The following PLEKHD1 variants were observed in gnomAD, a reference collection of about 807,000 sequenced individuals.
The protein encoded by PLEKHD1 is pleckstrin homology domain-containing family D member 1.
PLEKHD1 carries 51 observed loss-of-function variants against 69.2 expected under a neutral mutation model. That is an observed-to-expected ratio of 0.74 (90% CI 0.59 to 0.93). The LOEUF is 0.93. Among genes scored for constraint, PLEKHD1 ranks in the 40% least tolerant of loss-of-function variants. The pLI is 0.00. For missense variants in PLEKHD1, 584 were observed against 641.0 expected, an observed-to-expected ratio of 0.91 and a Z score of 0.96; for synonymous variants, 236 against 244.7, an observed-to-expected ratio of 0.96 and a Z score of 0.33.
rs866665032 is a variant in PLEKHD1, at chr14:69,500,905, A to C, written c.368A>C (p.Glu123Ala). ...TTGCTTGCTGCTGAGTCGGAGTTTG[A>C]GCAGACCCAGTGGCTGGAGATGCTG... The part of the protein sequence containing the change: ...NILLAAESEF[E>A]QTQWLEMLQE... Residue 123 changes from glutamate (E) to alanine (A), a missense_variant, in exon 4 of 13, where the codon GAG becomes GCG. Coordinates refer to ENST00000322564, the MANE Select transcript of PLEKHD1 (RefSeq NM_001161498.2). 38 of 1,551,472 alleles carry C rather than the reference A, an allele frequency of 2.4e-5. No individual in the cohort carries two copies. In the African/African-American group the frequency reaches 3.4e-4, roughly 14 times the overall value.
At chr14:69,500,340 G>T in intron 2 of PLEKHD1, 132 bp downstream of exon 2, 1 of 824,916 alleles carries the variant, frequency 1.2e-6, no homozygotes, top group Non-Finnish European at 1.9e-6. Flanking sequence ...ATCCTCTTGG[G>T]GCAAAAGACC....
chr14:69,484,882 G>A lies in PLEKHD1; in HGVS notation c.-84G>A. On this transcript the variant is annotated 5_prime_UTR_variant, in exon 1 of 13. Transcript: ENST00000322564. ...TCTGCTCGCTGGGACGCTCTCCGAC[G>A]GCTCCGCCCTCGCCTCTCGCCCCGA... 1 of 1,466,370 alleles carries A rather than the reference G, an allele frequency of 6.8e-7. No homozygotes were observed. Among genetic ancestry groups the A allele is most frequent in the Middle Eastern group, 2.0e-4 (1 of 4,880 alleles). The allele number at this position is 1,466,370 out of a possible 1,614,324, so 90.8% of individuals were successfully genotyped here.
At chr14:69,469,131 G>T in the PLEKHD1 span, among the ~76,000 whole-genome samples, 1 of 151,992 alleles carries the variant, frequency 6.6e-6, no homozygotes, top group Non-Finnish European at 1.5e-5. Flanking sequence ...GCACCAGCTC[G>T]GTCCTCTTCC....
chr14:69,501,186 A>G (rs1883017521), intron 4 of PLEKHD1: 1 of 568,988 alleles, frequency 1.8e-6, no homozygotes, highest in South Asian at 2.1e-5. Flanking sequence ...TTTGTCTCCA[A>G]CTCTTGGGAG....
At position 69,528,070 on chromosome 14, in the gene PLEKHD1, C is replaced by G. The variant is rs549851915; in HGVS notation, c.1351+138C>G. 940 of 1,453,424 alleles carry G rather than the reference C, an allele frequency of 6.5e-4. 13 individuals are homozygous for G. The South Asian group carries it at 0.011, about 17-fold the overall frequency. The allele number at this position is 1,453,424 out of a possible 1,614,324, so 90.0% of individuals were successfully genotyped here. A position where few individuals can be genotyped will look rare whatever the true frequency, so the allele number is the denominator to read the frequency against. On this transcript the variant is annotated intron_variant, in intron 12 of 12. Transcript: ENST00000322564. ...CCTGGCCCCACCATCCTTGGGCAAA[C>G]GGGTGAATTCTCAGGGCCCTGGGTT...
the PLEKHD1 span, among the ~76,000 whole-genome samples, chr14:69,471,198 C>T: frequency 0.011 from 1,568 of 147,738 alleles, 29 homozygotes; most frequent in African/African-American, 0.036. Context: ...CCCTCTACTC[C>T]GGGCTCAAGC....
chr14:69,470,451 CA>C, the PLEKHD1 span, among the ~76,000 whole-genome samples: 331 of 120,622 alleles, frequency 2.7e-3, no homozygotes, highest in Middle Eastern at 8.8e-3. Flanking sequence ...TGACAGAGAT[CA>C]AAAAAAAAAA....
At position 69,484,832 on chromosome 14, in the gene PLEKHD1, G is replaced by A. The variant is rs1216151263; in HGVS notation, c.-134G>A. ...GTGCCCAGCGCGCTTTGATGCTGCA[G>A]CTCCGGGCCGGGCCGCTCTGCTTCT... is the stretch of plus-strand genomic sequence containing the variant. On this transcript the variant is annotated 5_prime_UTR_variant, in exon 1 of 13. Coordinates refer to ENST00000322564, the MANE Select transcript of PLEKHD1 (RefSeq NM_001161498.2). The A allele has an allele frequency of 2.7e-6, 3 of 1,099,478 alleles. No individual in the cohort carries two copies. In the East Asian group the frequency reaches 7.9e-5, roughly 29 times the overall value. 68.1% of individuals were successfully genotyped at this position (1,099,478 alleles called of 1,614,324 possible). A position where few individuals can be genotyped will look rare whatever the true frequency, so the allele number is the denominator to read the frequency against.
chr14:69,520,770 CTATATATGGTATCTTGTA>C lies in PLEKHD1; in HGVS notation c.556-1508_556-1491del, dbSNP rs1260863934. 3.0e-4 allele frequency among the ~76,000 whole-genome samples: 45 copies of C among 152,284 alleles called. 1 individual carries two copies. In the East Asian group the frequency reaches 3.9e-3, roughly 13 times the overall value. On this transcript the variant is annotated intron_variant, in intron 6 of 12. Coordinates refer to ENST00000322564, the MANE Select transcript of PLEKHD1 (RefSeq NM_001161498.2). The stretch of plus-strand genomic sequence containing the variant: ...AATTTTAATTATATTTATATTATGT[CTATATATGGTATCTTGTA>C]TATAGACACTGGTTGCCATGGCAGG...
intron 1 of PLEKHD1, among the ~76,000 whole-genome samples, chr14:69,487,182 A>AACACACACACACACACACACAC (rs199671230): frequency 7.1e-6 from 1 of 140,356 alleles, no homozygotes; most frequent in African/African-American, 2.7e-5. Context: ...GGGAATACAC[A>AACACACACACACACACACACAC]ACACACACAC....
the PLEKHD1 span, among the ~76,000 whole-genome samples, chr14:69,478,904 C>T: frequency 6.6e-6 from 1 of 152,208 alleles, no homozygotes; most frequent in Non-Finnish European, 1.5e-5. Context: ...TTTTCAGCAG[C>T]ACCCTACTCT....
the PLEKHD1 span, among the ~76,000 whole-genome samples, chr14:69,472,626 G>A: frequency 6.6e-6 from 1 of 152,212 alleles, no homozygotes; most frequent in African/African-American, 2.4e-5. Flanking sequence ...TCTGTGGTTA[G>A]ACACACAAAT....
chr14:69,477,415 C>G, the PLEKHD1 span, among the ~76,000 whole-genome samples: 1 of 152,174 alleles, frequency 6.6e-6, no homozygotes, highest in Admixed American at 6.5e-5. Context: ...TCCCAAATCT[C>G]ATGTACTCAC....
At chr14:69,470,385 C>A in the PLEKHD1 span, among the ~76,000 whole-genome samples, 1 of 151,906 alleles carries the variant, frequency 6.6e-6, no homozygotes, top group East Asian at 2.0e-4. Context: ...ATTGCTTGAA[C>A]CCGGGAGGCA....
At chr14:69,504,129 A>G (rs1883099312) in intron 6 of PLEKHD1, among the ~76,000 whole-genome samples, 1 of 152,222 alleles carries the variant, frequency 6.6e-6, no homozygotes, top group African/African-American at 2.4e-5. Flanking sequence ...ATTTAGTGAG[A>G]TGTTCCATAT....
intron 1 of PLEKHD1, among the ~76,000 whole-genome samples, chr14:69,494,220 A>G (rs1882837531): frequency 6.6e-6 from 1 of 152,216 alleles, no homozygotes; most frequent in Non-Finnish European, 1.5e-5. Context: ...AGTTATTATT[A>G]TTATATAGGT....
chr14:69,490,119 C>G (rs371459033), intron 1 of PLEKHD1, among the ~76,000 whole-genome samples: 2 of 152,178 alleles, frequency 1.3e-5, no homozygotes, highest in African/African-American at 4.8e-5. Context: ...CTGCCCGCCT[C>G]GGCCTCCCAA....
intron 6 of PLEKHD1, among the ~76,000 whole-genome samples, chr14:69,516,685 C>T (rs1320094404): frequency 6.6e-6 from 1 of 151,918 alleles, no homozygotes; most frequent in African/African-American, 2.4e-5. Flanking sequence ...TCCATTTTTG[C>T]GGGGGAGGGT....
intron 6 of PLEKHD1, among the ~76,000 whole-genome samples, chr14:69,505,665 T>C (rs2139511170): frequency 6.6e-6 from 1 of 152,312 alleles, no homozygotes; most frequent in Non-Finnish European, 1.5e-5. Flanking sequence ...TGCGTACTTC[T>C]AGGGTTGCTG....
Sources: allele counts gnomAD v4.1 joint callset (sites outside exome capture counted in the v4.1 genomes callset), GRCh38; gene constraint gnomAD v4.1.1; transcripts MANE v1.5; gene names NCBI Gene and HGNC (gene_info 2026-07-23, HGNC 2026-07-21).